Variants in KLHL4 observed in about 807,000 individuals in gnomAD.
The protein encoded by KLHL4 is kelch-like protein 4.
A neutral mutation model predicts 45.8 loss-of-function variants in KLHL4; 17 were observed. The observed-to-expected ratio is 0.37, with a 90% CI of 0.25 to 0.56. The LOEUF (loss-of-function observed/expected upper bound fraction) is 0.56. KLHL4 is among the 20% of genes least tolerant of loss of function. KLHL4 has a pLI of 0.79. For missense variants in KLHL4, 544 were observed against 544.9 expected (o/e 1.00, Z 0.02); for synonymous variants, 224 against 189.9 (o/e 1.18, Z -1.47).
At chrX:87,537,861 T>G (rs1274393465) in intron 1 of KLHL4, among the ~76,000 whole-genome samples, 4 of 111,375 alleles carry the variant, frequency 3.6e-5, no homozygotes, top group Non-Finnish European at 7.6e-5. Flanking sequence ...TTTTAAGAAT[T>G]GAGAAGAAGG....
intron 1 of KLHL4, among the ~76,000 whole-genome samples, chrX:87,611,248 G>A (rs915400331): frequency 2.4e-4 from 27 of 110,982 alleles, no homozygotes; most frequent in Non-Finnish European, 4.1e-4. Context: ...TATTAAAGAG[G>A]GTATTTGGTA....
chrX:87,569,341 G>T (rs1932284857), intron 1 of KLHL4, among the ~76,000 whole-genome samples: 1 of 111,383 alleles, frequency 9.0e-6, no homozygotes, highest in Non-Finnish European at 1.9e-5. Context: ...TCAATGTAGA[G>T]AAATGGGAAC....
At chrX:87,617,675 T>G (rs1569354490) in intron 3 of KLHL4, among the ~76,000 whole-genome samples, 1 of 111,865 alleles carries the variant, frequency 8.9e-6, no homozygotes, top group Non-Finnish European at 1.9e-5. Flanking sequence ...AAGTGACAAG[T>G]TGCTGTTCTT....
chrX:87,583,472 T>C (rs1323342721), intron 1 of KLHL4, among the ~76,000 whole-genome samples: 1 of 111,939 alleles, frequency 8.9e-6, no homozygotes, highest in Admixed American at 9.4e-5. Flanking sequence ...TTGTCTTGCA[T>C]CTTCGATGCC....
intron 9 of KLHL4, among the ~76,000 whole-genome samples, chrX:87,637,166 C>A (rs959186741): frequency 1.9e-4 from 21 of 111,521 alleles, no homozygotes; most frequent in African/African-American, 6.9e-4. Context: ...GATCACATCA[C>A]AGGACTCATG....
At chrX:87,572,794 T>C (rs868517032) in intron 1 of KLHL4, among the ~76,000 whole-genome samples, 1 of 77,856 alleles carries the variant, frequency 1.3e-5, no homozygotes, top group Non-Finnish European at 2.5e-5. Flanking sequence ...TAAAGTATAA[T>C]AAAAAAAAAA....
intron 9 of KLHL4, among the ~76,000 whole-genome samples, chrX:87,650,213 A>C (rs1049126915): frequency 1.8e-5 from 2 of 110,932 alleles, no homozygotes; most frequent in Non-Finnish European, 3.8e-5. Context: ...CTCCTACCTC[A>C]GCCTCCTTAG....
rs995158065 is a variant in KLHL4 at position 87,517,819 on chromosome X, G to A, written c.-75G>A. ...GTGCTTTTGTTAGTTCTACAGAAGA[G>A]GCAGAAAAACAAGAGATAACAAAGG... On this transcript the variant is annotated 5_prime_UTR_variant, in exon 1 of 11. Transcript: ENST00000373119. The A allele has an allele frequency of 5.4e-5, 57 of 1,055,307 alleles. No individual in the cohort carries two copies. Among genetic ancestry groups the A allele is most frequent in the African/African-American group, 9.4e-5 (5 of 53,031 alleles). 87.0% of individuals were successfully genotyped at this position (1,055,307 alleles called of 1,213,427 possible).
At position 87,669,465 on chromosome X, in the gene KLHL4, G is replaced by T; in HGVS notation, c.*2931G>T. On this transcript the variant is annotated 3_prime_UTR_variant, in exon 11 of 11. Coordinates refer to ENST00000373119, the MANE Select transcript of KLHL4 (RefSeq NM_019117.5). The stretch of plus-strand genomic sequence containing the variant: ...TCAGGTGTGGCTGTTGCCCCTTTTT[G>T]ATATGGAGGGAACACTGAAAGACAG... 8.7e-7 allele frequency: 1 copy of T among 1,151,527 alleles called. No homozygotes were observed. The highest frequency in any genetic ancestry group is 1.2e-6 in the Non-Finnish European group (1 of 857,225). 94.9% of individuals were successfully genotyped at this position (1,151,527 alleles called of 1,213,427 possible).
chrX:87,518,228 A>T lies in KLHL4; in HGVS notation c.335A>T (p.Glu112Val), dbSNP rs1930930323. 1 of 1,209,952 alleles carries T rather than the reference A, an allele frequency of 8.3e-7. No homozygotes were observed. The highest frequency in any genetic ancestry group is 2.2e-5 in the Admixed American group (1 of 45,780). The change falls in exon 1 of 11, where the codon GAG becomes GTG. Residue 112 changes from glutamate to valine, a missense_variant. By Grantham distance (121) the Glu-to-Val change is moderately radical. Coordinates refer to ENST00000373119, the MANE Select transcript of KLHL4 (RefSeq NM_019117.5). ...GAAGATACTCCTAAATCAGTTCCAG[A>T]GAAGAATTTATTCAAAGAAGCTTGT... ...ANEDTPKSVP[E>V]KNLFKEACEK...
At position 87,625,648 on chromosome X, in the gene KLHL4, T is replaced by G. The variant is rs1233637910; in HGVS notation, c.1176T>G (p.Gly392=). 7 of 1,207,573 alleles carry G rather than the reference T, an allele frequency of 5.8e-6. No homozygotes were observed. The South Asian group carries it at 1.2e-4, about 22-fold the overall frequency. The change falls in exon 6 of 11, where the codon GGT becomes GGG. Residue 392 remains glycine (G), a synonymous_variant. Coordinates refer to ENST00000373119, the MANE Select transcript of KLHL4 (RefSeq NM_019117.5). ...ADLETSSMFT[G]DLECQKLLME... ...TTGAAACCAGTTCCATGTTTACTGG[T>G]GATCTTGAGTGTCAGAAGCTCCTGA...
rs1046607528 is a variant in KLHL4, at chrX:87,618,267, G to A, written c.924+139G>A. The A allele has an allele frequency of 1.2e-5, 5 of 423,296 alleles. No homozygotes were observed. In the East Asian group the frequency reaches 1.7e-4, roughly 14 times the overall value. The allele number at this position is 423,296 out of a possible 1,213,427, so 34.9% of individuals were successfully genotyped here. A position where few individuals can be genotyped will look rare whatever the true frequency, so the allele number is the denominator to read the frequency against. On this transcript the variant is annotated intron_variant, in intron 4 of 10. Transcript: ENST00000373119. ...TCAACAAAAACATTTGTCTGGTTGA[G>A]CTGCACTCAGGCAAGCTTTTCCTTT...
intron 1 of KLHL4, among the ~76,000 whole-genome samples, chrX:87,606,361 GA>G (rs1363719533): frequency 4.6e-5 from 5 of 109,420 alleles, no homozygotes; most frequent in African/African-American, 1.7e-4. Flanking sequence ...ATTGGTAGAA[GA>G]AAAAAACAAT....
intron 1 of KLHL4, among the ~76,000 whole-genome samples, chrX:87,556,925 C>T (rs915702486): frequency 1.7e-4 from 19 of 111,182 alleles, no homozygotes; most frequent in African/African-American, 4.9e-4. Context: ...AAGCCTGATG[C>T]GCTTTATTGT....
chrX:87,643,260 C>T (rs189019629), intron 9 of KLHL4, among the ~76,000 whole-genome samples: 4 of 111,119 alleles, frequency 3.6e-5, no homozygotes, highest in East Asian at 2.8e-4. Flanking sequence ...AAAGATCCTC[C>T]GAGGGTACTA....
At chrX:87,529,754 A>T (rs939158867) in intron 1 of KLHL4, among the ~76,000 whole-genome samples, 1 of 112,091 alleles carries the variant, frequency 8.9e-6, no homozygotes, top group Non-Finnish European at 1.9e-5. Flanking sequence ...TACTTTTTAA[A>T]TTCCCTTTTT....
At chrX:87,618,610 C>G (rs946440533) in intron 4 of KLHL4, among the ~76,000 whole-genome samples, 3 of 111,452 alleles carry the variant, frequency 2.7e-5, no homozygotes, top group Non-Finnish European at 5.7e-5. Context: ...AAGTGATTCT[C>G]CTGCCTCAGC....
intron 9 of KLHL4, among the ~76,000 whole-genome samples, chrX:87,659,383 G>A (rs976931268): frequency 1.0e-4 from 11 of 109,851 alleles, no homozygotes; most frequent in African/African-American, 3.3e-5. Context: ...CTCCCAAAGT[G>A]CTGGGATTAC....
intron 1 of KLHL4, among the ~76,000 whole-genome samples, chrX:87,592,928 C>T (rs903077231): frequency 4.5e-5 from 5 of 111,602 alleles, no homozygotes; most frequent in African/African-American, 1.6e-4. Flanking sequence ...GATGGGATCC[C>T]ACTTGCCTAT....
Sources: gnomAD v4.1 joint callset for allele counts (sites outside exome capture counted in the v4.1 genomes callset) on GRCh38, gnomAD v4.1.1 for gene constraint, MANE v1.5 for transcripts, NCBI Gene and HGNC (gene_info 2026-07-23, HGNC 2026-07-21) for gene names.